Variants in TOX observed in about 807,000 individuals in gnomAD.
TOX encodes thymocyte selection associated high mobility group box, also known as thymocyte selection-associated high mobility group box protein TOX.
Under a neutral mutation model 53.7 loss-of-function variants are expected in TOX, and 11 were observed. The observed-to-expected ratio is 0.20, with a 90% CI of 0.13 to 0.34. TOX has a LOEUF of 0.34. Ranked by LOEUF, TOX falls within the 10% of genes least tolerant of loss-of-function variation. The probability of loss-of-function intolerance (pLI) is 1.00; values close to 1 mark genes in which losing one functional copy is unlikely to be tolerated. For missense variants in TOX, 570 were observed against 664.6 expected (o/e 0.86, Z 1.56); for synonymous variants, 225 against 245.3 (o/e 0.92, Z 0.77).
chr8:58,890,312 C>T (rs62505130), intron 3 of TOX, among the ~76,000 whole-genome samples: 6,256 of 152,176 alleles, frequency 0.041, 176 homozygotes, highest in Non-Finnish European at 0.063. Context: ...GAGGGATACA[C>T]GTTACAAGAG....
At chr8:58,850,284 G>A (rs1810788945) in intron 4 of TOX, among the ~76,000 whole-genome samples, 1 of 152,210 alleles carries the variant, frequency 6.6e-6, no homozygotes, top group African/African-American at 2.4e-5. Flanking sequence ...GGAAAGAGAA[G>A]GCACAGCAGA....
At chr8:58,878,006 T>C (rs1169821817) in intron 3 of TOX, among the ~76,000 whole-genome samples, 2 of 152,198 alleles carry the variant, frequency 1.3e-5, no homozygotes, top group Non-Finnish European at 2.9e-5. Context: ...AACACTGATA[T>C]GCCAGGTATG....
At chr8:59,042,434 T>C (rs16924499) in intron 1 of TOX, among the ~76,000 whole-genome samples, 1,650 of 152,366 alleles carry the variant, frequency 0.011, 26 homozygotes, top group African/African-American at 0.037. Flanking sequence ...ACCACCTTTG[T>C]ATATTAATCC....
intron 5 of TOX, among the ~76,000 whole-genome samples, chr8:58,828,570 G>C (rs1810400889): frequency 6.6e-6 from 1 of 151,982 alleles, no homozygotes; most frequent in Non-Finnish European, 1.5e-5. Flanking sequence ...ATTATTGGAA[G>C]TCAAATTCAA....
chr8:59,004,373 C>T (rs561191473), intron 1 of TOX, among the ~76,000 whole-genome samples: 1 of 152,260 alleles, frequency 6.6e-6, no homozygotes, highest in African/African-American at 2.4e-5. Flanking sequence ...TATCTTTTCC[C>T]CTACTGAAGT....
intron 1 of TOX, among the ~76,000 whole-genome samples, chr8:58,995,553 C>A (rs967918940): frequency 2.6e-5 from 4 of 152,168 alleles, no homozygotes; most frequent in African/African-American, 9.7e-5. Flanking sequence ...CACACAGGCA[C>A]TGTTTATCAA....
intron 1 of TOX, among the ~76,000 whole-genome samples, chr8:59,063,362 T>C (rs1205033081): frequency 1.3e-5 from 2 of 152,042 alleles, no homozygotes; most frequent in Admixed American, 1.3e-4. Flanking sequence ...TTTTTTTTTA[T>C]TCCAAAAGAC....
intron 4 of TOX, among the ~76,000 whole-genome samples, chr8:58,847,997 T>C (rs1370415537): frequency 6.6e-6 from 1 of 152,160 alleles, no homozygotes; most frequent in East Asian, 1.9e-4. Context: ...AAGAAATATA[T>C]ATGTGAATAA....
At chr8:58,872,359 T>G (rs1398326840) in intron 3 of TOX, among the ~76,000 whole-genome samples, 1 of 152,128 alleles carries the variant, frequency 6.6e-6, no homozygotes, top group Non-Finnish European at 1.5e-5. Flanking sequence ...TTTCAAATAA[T>G]TTATGTAGTT....
At chr8:58,986,364 T>C (rs1473410474) in intron 1 of TOX, among the ~76,000 whole-genome samples, 1 of 152,176 alleles carries the variant, frequency 6.6e-6, no homozygotes, top group Non-Finnish European at 1.5e-5. Context: ...TGCAATTCCA[T>C]TGGTTGAAAC....
intron 1 of TOX, among the ~76,000 whole-genome samples, chr8:59,005,992 T>A (rs1440704844): frequency 2.0e-5 from 3 of 152,244 alleles, no homozygotes; most frequent in African/African-American, 7.2e-5. Flanking sequence ...CTGCTGTCCA[T>A]GCCTCAGTTT....
intron 1 of TOX, among the ~76,000 whole-genome samples, chr8:59,068,433 A>G (rs977447350): frequency 2.0e-5 from 3 of 152,108 alleles, no homozygotes; most frequent in African/African-American, 7.2e-5. Context: ...AAAAGAGGTG[A>G]CAAAAGAGGA....
At chr8:58,837,183 CTAAT>C (rs1411028076) in intron 5 of TOX, among the ~76,000 whole-genome samples, 5 of 152,068 alleles carry the variant, frequency 3.3e-5, no homozygotes, top group East Asian at 1.9e-4. Flanking sequence ...ATTGGTGTCT[CTAAT>C]TAAGAATAAA....
chr8:59,082,349 C>T (rs1049116358), intron 1 of TOX, among the ~76,000 whole-genome samples: 12 of 152,232 alleles, frequency 7.9e-5, no homozygotes, highest in African/African-American at 2.9e-4. Flanking sequence ...TTCCATGAGG[C>T]CTTGGCCTTG....
chr8:59,064,884 T>C (rs2129422191), intron 1 of TOX, among the ~76,000 whole-genome samples: 1 of 152,290 alleles, frequency 6.6e-6, no homozygotes, highest in Admixed American at 6.5e-5. Context: ...AAAGAACCAT[T>C]CTAATGTTAA....
chr8:59,076,947 A>T (rs552561458), intron 1 of TOX, among the ~76,000 whole-genome samples: 1 of 152,370 alleles, frequency 6.6e-6, no homozygotes, highest in African/African-American at 2.4e-5. Flanking sequence ...GCACTTTACA[A>T]AGCAATTTTA....
At chr8:58,812,427 C>G (rs1357660210) in intron 7 of TOX, among the ~76,000 whole-genome samples, 1 of 152,146 alleles carries the variant, frequency 6.6e-6, no homozygotes, top group Non-Finnish European at 1.5e-5. Flanking sequence ...GATTGGCTCT[C>G]CCAGCTAGAG....
intron 1 of TOX, among the ~76,000 whole-genome samples, chr8:59,072,226 G>A (rs1804209884): frequency 6.6e-6 from 1 of 152,150 alleles, no homozygotes; most frequent in Non-Finnish European, 1.5e-5. Context: ...AATAAGACTT[G>A]CATTTCTGAT....
intron 2 of TOX, among the ~76,000 whole-genome samples, chr8:58,954,869 C>T (rs749666771): frequency 1.3e-5 from 2 of 152,152 alleles, no homozygotes; most frequent in Non-Finnish European, 2.9e-5. Context: ...GGTGTTAACA[C>T]TTCTGATTAT....
Sources: gnomAD v4.1 joint callset for allele counts (sites outside exome capture counted in the v4.1 genomes callset) on GRCh38, gnomAD v4.1.1 for gene constraint, MANE v1.5 for transcripts, NCBI Gene and HGNC (gene_info 2026-07-23, HGNC 2026-07-21) for gene names.